Variants in LANCL2 observed in about 807,000 individuals in gnomAD.
LANCL2 encodes the protein lanC-like protein 2.
In LANCL2, 33 loss-of-function variants were observed where a neutral mutation model predicts 56.9. The observed-to-expected ratio is 0.58, with a 90% CI of 0.44 to 0.78. The LOEUF is 0.78. LANCL2 is among the 30% of genes least tolerant of loss of function. The pLI, the probability that LANCL2 is intolerant of heterozygous loss-of-function variation, is 0.00. For synonymous variants in LANCL2, 233 were observed against 228.2 expected (o/e 1.02, Z -0.19); for missense variants, 562 against 580.2 (o/e 0.97, Z 0.32).
At chr7:55,371,240 T>C (rs1478583472) in intron 1 of LANCL2, among the ~76,000 whole-genome samples, 1 of 152,196 alleles carries the variant, frequency 6.6e-6, no homozygotes. Context: ...GTTTTGGGTT[T>C]TGTTTTGTTT....
In LANCL2 at chr7:55,398,472, C is replaced by T. The variant is rs1790281724; in HGVS notation, c.372C>T (p.Thr124=). 3.1e-6 allele frequency: 5 copies of T among 1,614,054 alleles called. No individual in the cohort carries two copies. Among genetic ancestry groups the T allele is most frequent in the Non-Finnish European group, 4.2e-6 (5 of 1,180,028 alleles). Residue 124 remains threonine, a synonymous_variant, in exon 3 of 9, where the codon ACC becomes ACT. Transcript: ENST00000254770. ...TGTACCGGGTCACATGTGACCAAACCTACCTGCTCCGATCCCTGGATTACG... is the reference window on the plus strand; with the variant it reads ...TGTACCGGGTCACATGTGACCAAACTTACCTGCTCCGATCCCTGGATTACG... ...LQLYRVTCDQ[T]YLLRSLDYVK...
rs540915126 is a variant in LANCL2 at position 55,433,159 on chromosome 7, C to T, written c.*1839C>T. On this transcript the variant is annotated 3_prime_UTR_variant, in exon 9 of 9. Coordinates refer to ENST00000254770, the MANE Select transcript of LANCL2 (RefSeq NM_018697.4). ...GCTCTCCAGGGCAGCCCCTCTCAGA[C>T]GAGGAGGCAGCGGGTGCAGCCAGGT... 9.8e-5 allele frequency: 15 copies of T among 152,484 alleles called. No homozygotes were observed. The highest frequency in any genetic ancestry group is 8.3e-4 in the South Asian group (4 of 4,836). 9.4% of individuals were successfully genotyped at this position (152,484 alleles called of 1,614,324 possible). A position where few individuals can be genotyped will look rare whatever the true frequency, so the allele number is the denominator to read the frequency against.
chr7:55,396,773 CTG>C (rs1162370645), intron 2 of LANCL2, among the ~76,000 whole-genome samples: 2 of 151,920 alleles, frequency 1.3e-5, no homozygotes, highest in African/African-American at 2.4e-5. Context: ...GTATATATAA[CTG>C]TAAGTTTTTA....
At position 55,392,628 on chromosome 7, in the gene LANCL2, C is replaced by T. The variant is rs144223478; in HGVS notation, c.322+718C>T. ...CCTCCCAAAGTGCTGGGATTACAGG[C>T]GTGAGCCACTAGCCTGGCTGATTTT... On this transcript the variant is annotated intron_variant, in intron 2 of 8. Transcript: ENST00000254770. Among the ~76,000 whole-genome samples, 43 of 152,258 alleles carry T rather than the reference C, an allele frequency of 2.8e-4. 2 individuals are homozygous for T. Among genetic ancestry groups the T allele is most frequent in the African/African-American group, 9.4e-4 (39 of 41,542 alleles).
At chr7:55,422,936 C>T (rs988936939) in intron 6 of LANCL2, among the ~76,000 whole-genome samples, 5 of 152,180 alleles carry the variant, frequency 3.3e-5, no homozygotes, top group South Asian at 2.1e-4. Context: ...AGGCCCAGGT[C>T]GGGTGCGGTG....
chr7:55,376,116 C>G (rs1789997370), intron 1 of LANCL2, among the ~76,000 whole-genome samples: 1 of 152,166 alleles, frequency 6.6e-6, no homozygotes, highest in Non-Finnish European at 1.5e-5. Context: ...GGGGGCCATT[C>G]TGCCTACCAT....
At chr7:55,374,509 A>G (rs6973924) in intron 1 of LANCL2, among the ~76,000 whole-genome samples, 54,863 of 152,052 alleles carry the variant, frequency 0.36, 10,420 homozygotes, top group East Asian at 0.55. Flanking sequence ...TGTTTTCACT[A>G]CCATCTAATT....
chr7:55,412,054 C>T lies in LANCL2; in HGVS notation c.973C>T (p.Pro325Ser). 6.2e-7 allele frequency: 1 copy of T among 1,614,172 alleles called. No homozygotes were observed. The highest frequency in any genetic ancestry group is 1.1e-5 in the South Asian group (1 of 91,064). Residue 325 changes from proline (P) to serine (S), a missense_variant, in exon 6 of 9, where the codon CCG becomes TCG. Around this residue, in one of 2 missense-constraint regions of LANCL2, gnomAD observed 378 missense variants for 468.4 expected, o/e 0.81. Transcript: ENST00000254770. ...DRLVHWCHGAPGVIHMLMQAY... is the reference protein window; with the variant it reads ...DRLVHWCHGASGVIHMLMQAY... ...GCTGGTGCACTGGTGCCACGGCGCC[C>T]CGGGGGTCATCCACATGCTCATGCA...
chr7:55,386,497 G>A (rs1790127689), intron 1 of LANCL2, among the ~76,000 whole-genome samples: 1 of 152,182 alleles, frequency 6.6e-6, no homozygotes, highest in African/African-American at 2.4e-5. Flanking sequence ...TGGTGGTGTG[G>A]GGTGTGCTGG....
intron 2 of LANCL2, 24 bp downstream of exon 2, chr7:55,391,934 CT>C (rs773270786): frequency 4.2e-6 from 5 of 1,192,302 alleles, no homozygotes; most frequent in Non-Finnish European, 3.7e-6. Flanking sequence ...GTCTAAATCA[CT>C]GATACATTTT....
In LANCL2 at chr7:55,428,276, G is replaced by T. The variant is rs187233437; in HGVS notation, c.1186-99G>T. On this transcript the variant is annotated intron_variant, in intron 7 of 8. Coordinates refer to ENST00000254770, the MANE Select transcript of LANCL2 (RefSeq NM_018697.4). ...CACGCTGAATGCCCTACAGCTGGGG[G>T]TCCACTTCCCTGATGCCTGTGAAGA... 2.7e-5 allele frequency: 28 copies of T among 1,042,194 alleles called. No homozygotes were observed. In the East Asian group the frequency reaches 5.9e-4, roughly 22 times the overall value. The allele number at this position is 1,042,194 out of a possible 1,614,324, so 64.6% of individuals were successfully genotyped here.
At chr7:55,422,221 A>G (rs572425867) in intron 6 of LANCL2, among the ~76,000 whole-genome samples, 3 of 152,342 alleles carry the variant, frequency 2.0e-5, no homozygotes, top group East Asian at 3.8e-4. Flanking sequence ...TTTAGTGACA[A>G]CAAATTGATT....
chr7:55,426,193 G>A (rs942395620), intron 7 of LANCL2, among the ~76,000 whole-genome samples: 1 of 152,190 alleles, frequency 6.6e-6, no homozygotes, highest in Non-Finnish European at 1.5e-5. Context: ...GTGTAGGCTG[G>A]TAGAACATAA....
chr7:55,395,489 G>T (rs1012640004), intron 2 of LANCL2, among the ~76,000 whole-genome samples: 2 of 151,944 alleles, frequency 1.3e-5, no homozygotes, highest in African/African-American at 4.8e-5. Flanking sequence ...AAACCAAAGC[G>T]CAAGGAGCCA....
intron 5 of LANCL2, among the ~76,000 whole-genome samples, 187 bp downstream of exon 5, chr7:55,401,507 T>G: frequency 7.3e-6 from 1 of 136,152 alleles, no homozygotes; most frequent in African/African-American, 2.6e-5. Flanking sequence ...GTACATTTGG[T>G]ATGGAGTCTT....
At position 55,367,317 on chromosome 7, in the gene LANCL2, T is replaced by A. The variant is rs1039169315; in HGVS notation, c.204+1088T>A. Among the ~76,000 whole-genome samples the A allele has an allele frequency of 1.9e-4, 29 of 152,368 alleles. 2 individuals are homozygous for A. Among genetic ancestry groups the A allele is most frequent in the Admixed American group, 1.8e-3 (28 of 15,304 alleles). ...GCCACTTCACCTCCTTGGATCTCCATGTATTTCATATTTGGCTAAAACTAA... is the reference window on the plus strand; with the variant it reads ...GCCACTTCACCTCCTTGGATCTCCAAGTATTTCATATTTGGCTAAAACTAA... On this transcript the variant is annotated intron_variant, in intron 1 of 8. Transcript: ENST00000254770.
At chr7:55,389,849 A>G (rs1230665366) in intron 1 of LANCL2, among the ~76,000 whole-genome samples, 1 of 152,204 alleles carries the variant, frequency 6.6e-6, no homozygotes. Context: ...TCTTTGTTTA[A>G]TCTTTTCAGA....
chr7:55,422,433 G>A (rs1790618804), intron 6 of LANCL2, among the ~76,000 whole-genome samples: 1 of 152,108 alleles, frequency 6.6e-6, no homozygotes, highest in Admixed American at 6.5e-5. Flanking sequence ...GGCTTTCACA[G>A]TTTCCTCTTA....
chr7:55,415,325 A>G (rs1244543631), intron 6 of LANCL2, among the ~76,000 whole-genome samples: 4 of 152,224 alleles, frequency 2.6e-5, no homozygotes, highest in Non-Finnish European at 1.5e-5. Flanking sequence ...CCACAGCATC[A>G]CTGCTTGTGC....
Sources: allele counts gnomAD v4.1 joint callset (sites outside exome capture counted in the v4.1 genomes callset), GRCh38; gene constraint gnomAD v4.1.1; regional missense constraint gnomAD v4.1.1; transcripts MANE v1.5; gene names NCBI Gene and HGNC (gene_info 2026-07-23, HGNC 2026-07-21).